CELF5: variants seen among roughly 807,000 people sequenced by gnomAD.
CELF5 encodes CUG-BP and ETR-3 like factor 5.
A neutral mutation model predicts 54.9 loss-of-function variants in CELF5; 6 were observed. That is an observed-to-expected ratio of 0.11 (90% CI 0.06 to 0.22). The LOEUF (loss-of-function observed/expected upper bound fraction) is 0.22. Among genes scored for constraint, CELF5 ranks in the 10% least tolerant of loss-of-function variants. CELF5 has a pLI of 1.00. For missense variants in CELF5, 401 were observed against 678.6 expected (o/e 0.59, Z 4.54); for synonymous variants, 271 against 290.9 (o/e 0.93, Z 0.70).
chr19:3,254,935 CCCAT>C (rs2079701317), intron 2 of CELF5, among the ~76,000 whole-genome samples: 1 of 151,890 alleles, frequency 6.6e-6, no homozygotes. Flanking sequence ...CACTCTTCCA[CCCAT>C]CCATCTATTA....
intron 8 of CELF5, 31 bp from the exon 9 acceptor site, chr19:3,284,871 C>A: frequency 6.2e-7 from 1 of 1,605,238 alleles, no homozygotes; most frequent in Non-Finnish European, 8.5e-7. Context: ...CTGCTGCTCC[C>A]GCCCCACTCA....
intron 3 of CELF5, among the ~76,000 whole-genome samples, chr19:3,274,255 A>G (rs2080012650): frequency 6.6e-6 from 1 of 151,664 alleles, no homozygotes; most frequent in African/African-American, 2.4e-5. Flanking sequence ...GACACAGACA[A>G]TGGGGGCCTG....
intron 1 of CELF5, among the ~76,000 whole-genome samples, chr19:3,229,752 T>G (rs879754921): frequency 5.3e-5 from 8 of 152,148 alleles, no homozygotes; most frequent in Non-Finnish European, 1.0e-4. Context: ...GTTACATGAC[T>G]ACGCTGAGGC....
chr19:3,270,641 C>G (rs2079947036), intron 2 of CELF5: 1 of 150,050 alleles, frequency 6.7e-6, no homozygotes, highest in African/African-American at 2.4e-5. Flanking sequence ...CACGTGGATG[C>G]CAGCCTGGCG....
At chr19:3,241,860 T>C (rs1041531204) in intron 1 of CELF5, among the ~76,000 whole-genome samples, 1 of 152,064 alleles carries the variant, frequency 6.6e-6, no homozygotes, top group Non-Finnish European at 1.5e-5. Flanking sequence ...ACTGCAACCT[T>C]ATCTCCCGGG....
At chr19:3,225,263 CCT>C (rs1322893235) in intron 1 of CELF5, among the ~76,000 whole-genome samples, 1 of 107,412 alleles carries the variant, frequency 9.3e-6, no homozygotes, top group Non-Finnish European at 1.9e-5. Context: ...TCTCTCTCTC[CCT>C]CTCTCTCTCC....
chr19:3,247,770 T>G (rs2079588102), intron 1 of CELF5, among the ~76,000 whole-genome samples: 1 of 151,880 alleles, frequency 6.6e-6, no homozygotes, highest in Admixed American at 6.6e-5. Context: ...TAAAAAATTT[T>G]TTTTTAATTG....
In CELF5 at chr19:3,248,903, TTC is replaced by T. The variant is rs1188643096; in HGVS notation, c.260-2081_260-2080del. Reference sequence around the variant, plus strand: ...CTTCCTTCCTTCCTTCCTTCCTTCCTTCCTTTCTTTCTTTCTTTCTTTCTTTT... The same window carrying T: ...CTTCCTTCCTTCCTTCCTTCCTTCCTCTTTCTTTCTTTCTTTCTTTCTTTT... On this transcript the variant is annotated intron_variant, in intron 1 of 12. Transcript: ENST00000292672. Among the ~76,000 whole-genome samples, 132 of 124,036 alleles carry T rather than the reference TTC, an allele frequency of 1.1e-3. No homozygotes were observed. In the East Asian group the frequency reaches 0.038, roughly 35 times the overall value. The allele number at this position is 124,036 out of a possible 152,430, so 81.4% of individuals were successfully genotyped here.
intron 1 of CELF5, among the ~76,000 whole-genome samples, chr19:3,250,175 T>C (rs2079628323): frequency 2.0e-5 from 3 of 152,238 alleles, no homozygotes; most frequent in African/African-American, 7.2e-5. Flanking sequence ...ACTTCAAATG[T>C]ACCGTCTTAA....
chr19:3,286,433 G>A (rs1408730757), intron 10 of CELF5: 1 of 192,934 alleles, frequency 5.2e-6, no homozygotes, highest in African/African-American at 2.3e-5. Context: ...TGACAGTCAG[G>A]GTTCAAATCC....
chr19:3,281,152 G>T lies in CELF5; in HGVS notation c.604-47G>T, dbSNP rs1237551606. On this transcript the variant is annotated intron_variant, in intron 5 of 12. Transcript: ENST00000292672. This position sits in a 1 kb window ranked among gnomAD's most constrained non-coding sequence, Gnocchi z 6.5. ...TGAATCCAGGGACCCCAGAGTCCTG[G>T]CTACCTCCCAGCCCGTTTCCCTCCC... The T allele has an allele frequency of 2.5e-6, 4 of 1,583,994 alleles. No homozygotes were observed. The highest frequency in any genetic ancestry group is 1.7e-5 in the Admixed American group (1 of 59,604).
intron 10 of CELF5, 137 bp from the exon 11 acceptor site, chr19:3,290,094 T>C: frequency 1.6e-6 from 1 of 642,648 alleles, no homozygotes; most frequent in Non-Finnish European, 2.8e-6. Flanking sequence ...GCCAGGCCCC[T>C]TCTTTCTGGG....
rs2080157538 is a variant in CELF5, at chr19:3,281,861, C to T, written c.751-265C>T. On this transcript the variant is annotated intron_variant, in intron 6 of 12. Coordinates refer to ENST00000292672, the MANE Select transcript of CELF5 (RefSeq NM_021938.4). The surrounding 1 kb of genome is among the most constrained non-coding windows in gnomAD (Gnocchi z 6.5). Reference sequence around the variant, plus strand: ...TGAGCCTCGCTTTTCTAACTGAGCCCTGATCCTAGGCTGAGCCTTGATCCC... The same window carrying T: ...TGAGCCTCGCTTTTCTAACTGAGCCTTGATCCTAGGCTGAGCCTTGATCCC... Among the ~76,000 whole-genome samples, 2 of 151,930 alleles carry T rather than the reference C, an allele frequency of 1.3e-5. No individual in the cohort carries two copies. The highest frequency in any genetic ancestry group is 6.6e-5 in the Admixed American group (1 of 15,236).
intron 2 of CELF5, among the ~76,000 whole-genome samples, chr19:3,251,662 TTTTTTTTTTTTTG>T (rs2079650493): frequency 7.4e-6 from 1 of 134,630 alleles, no homozygotes; most frequent in Non-Finnish European, 1.7e-5. Context: ...CTTTTTTTTT[TTTTTTTTTTTTTG>T]TTGTTGTTGT....
chr19:3,253,650 G>A (rs1444282921), intron 2 of CELF5, among the ~76,000 whole-genome samples: 1 of 152,202 alleles, frequency 6.6e-6, no homozygotes. Context: ...GGTGGAGGGA[G>A]GAACTCAAGG....
intron 1 of CELF5, among the ~76,000 whole-genome samples, chr19:3,249,680 G>A (rs1391292411): frequency 6.6e-6 from 1 of 152,048 alleles, no homozygotes; most frequent in Non-Finnish European, 1.5e-5. Context: ...CTGCCACCAT[G>A]CCACACCCTC....
rs1474583005 is a variant in CELF5 at position 3,268,505 on chromosome 19, C to A, written c.343-5367C>A. Among the ~76,000 whole-genome samples, 2 of 152,066 alleles carry A rather than the reference C, an allele frequency of 1.3e-5. No homozygotes were observed. Among genetic ancestry groups the A allele is most frequent in the African/African-American group, 2.4e-5 (1 of 41,402 alleles). On this transcript the variant is annotated intron_variant, in intron 2 of 12. Transcript: ENST00000292672. This position sits in a 1 kb window ranked among gnomAD's most constrained non-coding sequence, Gnocchi z 4.4. Reference sequence around the variant, plus strand: ...GCAGACACCAAATTGTAAGACACTGCCTGGCACCAGCTCTTGGGTGACTTC... The same window carrying A: ...GCAGACACCAAATTGTAAGACACTGACTGGCACCAGCTCTTGGGTGACTTC...
At chr19:3,249,380 G>T (rs560385550) in intron 1 of CELF5, among the ~76,000 whole-genome samples, 82 of 152,292 alleles carry the variant, frequency 5.4e-4, no homozygotes, top group Admixed American at 9.8e-4. Flanking sequence ...GGCGAGGGCG[G>T]GTTCTCTTGA....
chr19:3,276,193 C>T, intron 4 of CELF5, among the ~76,000 whole-genome samples: 2 of 57,054 alleles, frequency 3.5e-5, no homozygotes, highest in Non-Finnish European at 3.3e-5. Flanking sequence ...AGGGGCGGGG[C>T]CTGGGGAGGG....
Sources: allele counts gnomAD v4.1 joint callset (sites outside exome capture counted in the v4.1 genomes callset), GRCh38; gene constraint gnomAD v4.1.1; non-coding constraint Gnocchi (gnomAD v3.1); transcripts MANE v1.5; gene names NCBI Gene and HGNC (gene_info 2026-07-23, HGNC 2026-07-21).